EPHA3: variants seen among roughly 807,000 people sequenced by gnomAD.
EPHA3 encodes ephrin type-A receptor 3.
Under a neutral mutation model 107.1 loss-of-function variants are expected in EPHA3, and 42 were observed. That is an observed-to-expected ratio of 0.39 (90% confidence interval 0.31 to 0.51). EPHA3 has a LOEUF of 0.51. Among genes scored for constraint, EPHA3 ranks in the 20% least tolerant of loss-of-function variants. The pLI, the probability that EPHA3 is intolerant of heterozygous loss-of-function variation, is 0.78. For missense variants in EPHA3, 1,183 were observed against 1,211.2 expected, an observed-to-expected ratio of 0.98 and a Z score of 0.35; for synonymous variants, 461 against 424.8, an observed-to-expected ratio of 1.09 and a Z score of -1.05.
chr3:89,469,748 G>A (rs762194663), intron 15 of EPHA3, among the ~76,000 whole-genome samples: 8 of 152,008 alleles, frequency 5.3e-5, no homozygotes, highest in Non-Finnish European at 1.2e-4. Context: ...CATGTATATT[G>A]TTCATTTTGC....
intron 3 of EPHA3, among the ~76,000 whole-genome samples, chr3:89,325,853 T>C (rs1707152834): frequency 6.6e-6 from 1 of 151,708 alleles, no homozygotes; most frequent in South Asian, 2.1e-4. Flanking sequence ...GTTTCCTTAG[T>C]AAATGTAACT....
intron 15 of EPHA3, among the ~76,000 whole-genome samples, chr3:89,458,350 C>T (rs1710142042): frequency 1.3e-5 from 2 of 151,650 alleles, no homozygotes; most frequent in South Asian, 2.1e-4. Flanking sequence ...TAGGTAGAAA[C>T]GAGGAACAAT....
rs576721901 is a variant in EPHA3 at position 89,237,084 on chromosome 3, A to G, written c.814+26564A>G. Among the ~76,000 whole-genome samples the G allele has an allele frequency of 2.0e-5, 3 of 152,370 alleles. No individual in the cohort carries two copies. In the East Asian group the frequency reaches 5.8e-4, roughly 29 times the overall value. ...GTAAACAAATACATAAATATAAGCC[A>G]GACATGGTGACTCATGCCTGTAATC... On this transcript the variant is annotated intron_variant, in intron 3 of 16. Coordinates refer to ENST00000336596, the MANE Select transcript of EPHA3 (RefSeq NM_005233.6).
At chr3:89,321,014 T>C (rs556882976) in intron 3 of EPHA3, among the ~76,000 whole-genome samples, 51 of 152,030 alleles carry the variant, frequency 3.4e-4, no homozygotes, top group African/African-American at 1.1e-3. Context: ...GCCTTTTTTT[T>C]TCTCTCTCTC....
intron 11 of EPHA3, among the ~76,000 whole-genome samples, chr3:89,424,493 T>C (rs1709418281): frequency 6.6e-6 from 1 of 151,340 alleles, no homozygotes; most frequent in Non-Finnish European, 1.5e-5. Context: ...GTTATTATTA[T>C]TTCAATTCAA....
chr3:89,302,618 C>T (rs1414788234), intron 3 of EPHA3, among the ~76,000 whole-genome samples: 3 of 152,042 alleles, frequency 2.0e-5, no homozygotes, highest in Admixed American at 6.6e-5. Flanking sequence ...GTCATGACTG[C>T]TTATTTTTCT....
intron 2 of EPHA3, among the ~76,000 whole-genome samples, chr3:89,145,426 T>C (rs1704520172): frequency 1.3e-5 from 2 of 151,750 alleles, no homozygotes; most frequent in Admixed American, 6.6e-5. Context: ...GATATGTATA[T>C]ACACATATAT....
At chr3:89,179,068 C>T (rs1332145050) in intron 2 of EPHA3, among the ~76,000 whole-genome samples, 2 of 151,776 alleles carry the variant, frequency 1.3e-5, no homozygotes, top group African/African-American at 4.8e-5. Context: ...TCTTTTTTTA[C>T]TTGAATAAAA....
chr3:89,134,558 T>C (rs1349508102), intron 2 of EPHA3, among the ~76,000 whole-genome samples: 7 of 152,222 alleles, frequency 4.6e-5, no homozygotes, highest in Admixed American at 6.5e-5. Flanking sequence ...CATCATTTTT[T>C]ATGGCTGCAT....
intron 3 of EPHA3, among the ~76,000 whole-genome samples, chr3:89,232,164 G>C (rs1266423016): frequency 6.6e-6 from 1 of 151,926 alleles, no homozygotes; most frequent in East Asian, 1.9e-4. Flanking sequence ...AGTTTAGTAA[G>C]GCTTGAGAGA....
Position 89,196,727 on chromosome 3 carries a change from G to A in EPHA3, c.154-13133G>A, listed in dbSNP as rs144218694. On this transcript the variant is annotated intron_variant, in intron 2 of 16. Transcript: ENST00000336596. ...ACATAGTAGTCAAAATTCTACTTAT[G>A]TTTAAATTTCTTCCCTAAATGCCAC... Among the ~76,000 whole-genome samples the A allele has an allele frequency of 3.1e-3, 470 of 152,126 alleles. 13 individuals carry two copies. The highest frequency in any genetic ancestry group is 0.029 in the Admixed American group (448 of 15,272).
chr3:89,140,469 T>C (rs912534414), intron 2 of EPHA3, among the ~76,000 whole-genome samples: 1 of 151,764 alleles, frequency 6.6e-6, no homozygotes, highest in Admixed American at 6.6e-5. Context: ...TGTTCATATG[T>C]AGCTTTCAAA....
At chr3:89,242,877 T>C (rs188230919) in intron 3 of EPHA3, among the ~76,000 whole-genome samples, 2 of 151,744 alleles carry the variant, frequency 1.3e-5, no homozygotes, top group Admixed American at 1.3e-4. Flanking sequence ...TAACGTTTGG[T>C]ATATCTCCTA....
At chr3:89,144,754 G>T (rs914194014) in intron 2 of EPHA3, among the ~76,000 whole-genome samples, 1 of 151,520 alleles carries the variant, frequency 6.6e-6, no homozygotes, top group Non-Finnish European at 1.5e-5. Flanking sequence ...GTTTTGGTTT[G>T]ATTCTTTTTA....
chr3:89,334,399 A>G (rs1707352524), intron 3 of EPHA3, among the ~76,000 whole-genome samples: 1 of 152,244 alleles, frequency 6.6e-6, no homozygotes, highest in South Asian at 2.1e-4. Flanking sequence ...TAAAGCAGTG[A>G]TGAACATGAA....
At chr3:89,130,027 A>T (rs1475541242) in intron 2 of EPHA3, among the ~76,000 whole-genome samples, 1 of 152,210 alleles carries the variant, frequency 6.6e-6, no homozygotes, top group African/African-American at 2.4e-5. Flanking sequence ...CTCTTGATTT[A>T]GGGTAGTGGT....
At chr3:89,457,896 C>A (rs1453890875) in intron 15 of EPHA3, among the ~76,000 whole-genome samples, 1 of 152,134 alleles carries the variant, frequency 6.6e-6, no homozygotes, top group Non-Finnish European at 1.5e-5. Context: ...AAAGTGAGTT[C>A]TATAGGACAT....
rs563743218 is a variant in EPHA3, at chr3:89,454,149, A to AT, written c.2690+3786dup. ...GGATGTTTTATAAAAATGCCAGGTG[A>AT]TTTTTTTCTCCTCTGGAAAATTTAG... On this transcript the variant is annotated intron_variant, in intron 15 of 16. Coordinates refer to ENST00000336596, the MANE Select transcript of EPHA3 (RefSeq NM_005233.6). Among the ~76,000 whole-genome samples the AT allele has an allele frequency of 3.4e-3, 515 of 152,108 alleles. 2 individuals carry two copies. The highest frequency in any genetic ancestry group is 0.014 in the Middle Eastern group (4 of 294).
At chr3:89,187,103 ACT>A (rs1158252218) in intron 2 of EPHA3, among the ~76,000 whole-genome samples, 31 of 151,932 alleles carry the variant, frequency 2.0e-4, no homozygotes, top group African/African-American at 7.2e-4. Context: ...CTTTCAGAGT[ACT>A]ACAGACTTTA....
Sources: gnomAD v4.1 joint callset for allele counts (sites outside exome capture counted in the v4.1 genomes callset) on GRCh38, gnomAD v4.1.1 for gene constraint, MANE v1.5 for transcripts, NCBI Gene and HGNC (gene_info 2026-07-23, HGNC 2026-07-21) for gene names.